TTC6: variants seen among roughly 807,000 people sequenced by gnomAD.
TTC6 encodes the protein tetratricopeptide repeat protein 6.
Under a neutral mutation model 210.4 loss-of-function variants are expected in TTC6, and 172 were observed. That is an observed-to-expected ratio of 0.82 (90% CI 0.72 to 0.93). The LOEUF is 0.93. Ranked by LOEUF, TTC6 falls within the 40% of genes least tolerant of loss-of-function variation. The probability of loss-of-function intolerance (pLI) is 0.00; values close to 1 mark genes in which losing one functional copy is unlikely to be tolerated. For synonymous variants in TTC6, 804 were observed against 819.6 expected, an observed-to-expected ratio of 0.98 and a Z score of 0.32; for missense variants, 2,414 against 2,318.1, an observed-to-expected ratio of 1.04 and a Z score of -0.85.
chr14:37,621,286 C>A (rs1032764323), upstream of TTC6, among the ~76,000 whole-genome samples: 1 of 152,060 alleles, frequency 6.6e-6, no homozygotes, highest in African/African-American at 2.4e-5. Context: ...TGAAAATCTT[C>A]CAATTTAAAA....
intron 14 of TTC6, among the ~76,000 whole-genome samples, chr14:37,780,059 A>T (rs186809687): frequency 8.5e-5 from 13 of 152,324 alleles, no homozygotes; most frequent in African/African-American, 3.1e-4. Flanking sequence ...TGAATGAATG[A>T]ATGAATTAAT....
intron 1 of TTC6, among the ~76,000 whole-genome samples, chr14:37,629,963 G>C (rs890847239): frequency 2.0e-5 from 3 of 152,128 alleles, no homozygotes; most frequent in African/African-American, 7.2e-5. Flanking sequence ...AAGCCGACTC[G>C]ATCATAGTGG....
intron 14 of TTC6, among the ~76,000 whole-genome samples, 199 bp from the exon 17 acceptor site, chr14:37,787,269 T>A (rs1019177850): frequency 6.6e-6 from 1 of 152,208 alleles, no homozygotes; most frequent in African/African-American, 2.4e-5. Context: ...AGCATATAAT[T>A]ATGTATACAA....
chr14:37,697,567 G>T (rs1171419547), intron 4 of TTC6, among the ~76,000 whole-genome samples: 1 of 152,072 alleles, frequency 6.6e-6, no homozygotes, highest in Non-Finnish European at 1.5e-5. Flanking sequence ...TGCTGGACAT[G>T]GAAGACAGCC....
chr14:37,671,178 A>G (rs1294421479), intron 1 of TTC6, among the ~76,000 whole-genome samples: 2 of 152,178 alleles, frequency 1.3e-5, no homozygotes, highest in African/African-American at 2.4e-5. Context: ...CTCAGTCATA[A>G]GACTGGCAAT....
chr14:37,678,807 G>A (rs1595094705), intron 1 of TTC6, among the ~76,000 whole-genome samples: 1 of 152,256 alleles, frequency 6.6e-6, no homozygotes, highest in Non-Finnish European at 1.5e-5. Flanking sequence ...CCAATGGCCT[G>A]AATTAGATCC....
chr14:37,796,648 A>T, intron 19 of TTC6, 139 bp from the exon 22 acceptor site: 1 of 809,798 alleles, frequency 1.2e-6, no homozygotes, highest in African/African-American at 1.8e-5. Context: ...AGATCTTACT[A>T]TGATTTGTTA....
intron 1 of TTC6, among the ~76,000 whole-genome samples, chr14:37,648,429 A>G (rs919963904): frequency 7.9e-5 from 12 of 152,200 alleles, no homozygotes; most frequent in Non-Finnish European, 1.0e-4. Flanking sequence ...AAAATGTTCT[A>G]GGTTACAGTA....
Position 37,682,742 on chromosome 14 carries a change from T to C in TTC6, c.1051-16T>C. The C allele has an allele frequency of 6.5e-7, 1 of 1,533,486 alleles. No homozygotes were observed. The highest frequency in any genetic ancestry group is 1.2e-5 in the South Asian group (1 of 83,722). The allele number at this position is 1,533,486 out of a possible 1,614,324, so 95.0% of individuals were successfully genotyped here. Reference sequence around the variant, plus strand: ...ATAAAAAAAAAGCATTCTTGCACATTTACTTTTTCCAACAGAGCGTGCATA... The same window carrying C: ...ATAAAAAAAAAGCATTCTTGCACATCTACTTTTTCCAACAGAGCGTGCATA... On this transcript the variant is annotated splice_polypyrimidine_tract_variant and intron_variant, in intron 2 of 30. Coordinates refer to ENST00000553443, the Ensembl canonical transcript of TTC6.
intron 22 of TTC6, 23 bp downstream of exon 24, chr14:37,806,533 T>C: frequency 1.3e-6 from 2 of 1,499,552 alleles, no homozygotes; most frequent in South Asian, 1.3e-5. Context: ...ATGTTTTTAG[T>C]GAGTTGGAAA....
At chr14:37,680,722 A>T (rs1459791344) in intron 2 of TTC6, among the ~76,000 whole-genome samples, 1 of 152,148 alleles carries the variant, frequency 6.6e-6, no homozygotes, top group Non-Finnish European at 1.5e-5. Flanking sequence ...TAAAATAACC[A>T]TTGGATTCAA....
intron 14 of TTC6, among the ~76,000 whole-genome samples, chr14:37,755,990 G>A (rs2095966475): frequency 2.0e-5 from 3 of 152,186 alleles, no homozygotes; most frequent in African/African-American, 7.2e-5. Flanking sequence ...CGTGAGCATG[G>A]AATGTTTTGC....
In TTC6 at chr14:37,714,797, G is replaced by A. The variant is rs1283176523; in HGVS notation, c.1713+1G>A. The A allele has an allele frequency of 5.9e-6, 9 of 1,531,542 alleles. No individual in the cohort carries two copies. Among genetic ancestry groups the A allele is most frequent in the East Asian group, 2.4e-5 (1 of 40,868 alleles). 94.9% of individuals were successfully genotyped at this position (1,531,542 alleles called of 1,614,324 possible). On this transcript the variant is annotated splice_donor_variant, in intron 6 of 30. Coordinates refer to ENST00000553443, the Ensembl canonical transcript of TTC6. LOFTEE classifies it high-confidence loss of function. ...ACACTTGGAAGTCTTGGGAGAGGAA[G>A]TAAGAACTTTCTTTAATATTAGTTT...
intron 5 of TTC6, among the ~76,000 whole-genome samples, chr14:37,704,101 A>C (rs1235418874): frequency 2.6e-5 from 4 of 152,102 alleles, no homozygotes; most frequent in African/African-American, 4.8e-5. Context: ...AAAATTTTTT[A>C]ATAGAGACAG....
At chr14:37,800,076 A>T (rs1331505788) in intron 20 of TTC6, among the ~76,000 whole-genome samples, 1 of 152,206 alleles carries the variant, frequency 6.6e-6, no homozygotes, top group Non-Finnish European at 1.5e-5. Flanking sequence ...CTGCAAATGT[A>T]GGAGCAGCTT....
intron 3 of TTC6, among the ~76,000 whole-genome samples, chr14:37,683,830 T>C (rs2095788965): frequency 6.6e-6 from 1 of 152,138 alleles, no homozygotes; most frequent in Non-Finnish European, 1.5e-5. Context: ...GAGTCACTTT[T>C]TTTACTTAAA....
chr14:37,750,202 G>A (rs1957580), intron 12 of TTC6, among the ~76,000 whole-genome samples: 88,145 of 151,864 alleles, frequency 0.58, 26,430 homozygotes, highest in East Asian at 0.89. Context: ...GTTATTGTGC[G>A]CCTAGGATTA....
intron 1 of TTC6, among the ~76,000 whole-genome samples, chr14:37,651,535 C>G (rs2095713152): frequency 6.7e-6 from 1 of 148,726 alleles, no homozygotes; most frequent in Admixed American, 6.8e-5. Context: ...TTCAAGCTGC[C>G]ACATATTAGA....
At chr14:37,761,803 C>T (rs1027343831) in intron 14 of TTC6, among the ~76,000 whole-genome samples, 1 of 152,144 alleles carries the variant, frequency 6.6e-6, no homozygotes, top group Non-Finnish European at 1.5e-5. Context: ...TGTGCTGTTG[C>T]ATGTGGCTCT....
Sources: gnomAD v4.1 joint callset for allele counts (sites outside exome capture counted in the v4.1 genomes callset) on GRCh38, gnomAD v4.1.1 for gene constraint, MANE v1.5 for transcripts, NCBI Gene and HGNC (gene_info 2026-07-23, HGNC 2026-07-21) for gene names.